Variants in CSMD3 observed in about 807,000 individuals in gnomAD.
CSMD3 encodes the protein CUB and Sushi multiple domains 3.
CSMD3 carries 177 observed loss-of-function variants against 435.2 expected under a neutral mutation model. That is an observed-to-expected ratio of 0.41 (90% CI 0.36 to 0.46). CSMD3 has a LOEUF of 0.46. Among genes scored for constraint, CSMD3 ranks in the 20% least tolerant of loss-of-function variants. CSMD3 has a pLI of 0.34. For synonymous variants in CSMD3, 1,656 were observed against 1,520.5 expected, an observed-to-expected ratio of 1.09 and a Z score of -2.07; for missense variants, 4,265 against 4,504.6, an observed-to-expected ratio of 0.95 and a Z score of 1.52.
In CSMD3 at chr8:113,068,093, A is replaced by G. The variant is rs536878063; in HGVS notation, c.917+30663T>C. 2.6e-5 allele frequency among the ~76,000 whole-genome samples: 4 copies of G among 152,266 alleles called. No individual in the cohort carries two copies. The East Asian group carries it at 7.7e-4, about 29-fold the overall frequency. ...TTCATGTGAAATTTTGTTTCTGTGGAAAAATGCTGTATAAAAAGAGTTCTG... is the reference window on the plus strand; with the variant it reads ...TTCATGTGAAATTTTGTTTCTGTGGGAAAATGCTGTATAAAAAGAGTTCTG... On this transcript the variant is annotated intron_variant, in intron 5 of 70. Coordinates refer to ENST00000297405, the MANE Select transcript of CSMD3 (RefSeq NM_198123.2).
chr8:112,434,528 T>C (rs1814095606), intron 32 of CSMD3, among the ~76,000 whole-genome samples: 1 of 152,236 alleles, frequency 6.6e-6, no homozygotes, highest in Middle Eastern at 3.4e-3. Context: ...CATAATACCA[T>C]CTAAAATGCT....
At chr8:112,273,901 A>G (rs1817766129) in intron 59 of CSMD3, among the ~76,000 whole-genome samples, 1 of 151,216 alleles carries the variant, frequency 6.6e-6, no homozygotes, top group South Asian at 2.1e-4. Flanking sequence ...TTACTGCTCT[A>G]TAAAGTTTAC....
chr8:113,404,601 C>T (rs1373738854), intron 1 of CSMD3, among the ~76,000 whole-genome samples: 1 of 151,316 alleles, frequency 6.6e-6, no homozygotes, highest in Non-Finnish European at 1.5e-5. Context: ...CTGATATTGT[C>T]TGAGCAGGAT....
intron 27 of CSMD3, among the ~76,000 whole-genome samples, chr8:112,526,252 T>A (rs1824948521): frequency 6.6e-6 from 1 of 152,020 alleles, no homozygotes; most frequent in African/African-American, 2.4e-5. Flanking sequence ...TTCAATATCA[T>A]AGTAGGGCAT....
At chr8:113,296,012 G>C (rs2199663) in intron 2 of CSMD3, among the ~76,000 whole-genome samples, 19,333 of 151,836 alleles carry the variant, frequency 0.13, 2,107 homozygotes, top group African/African-American at 0.3. Context: ...ATGGATGAAG[G>C]TGGAAACCAT....
intron 24 of CSMD3, among the ~76,000 whole-genome samples, chr8:112,561,064 C>T (rs1828577314): frequency 6.6e-6 from 1 of 151,520 alleles, no homozygotes; most frequent in Admixed American, 6.6e-5. Context: ...TGCATTGTAG[C>T]TGAAAATGCA....
intron 45 of CSMD3, among the ~76,000 whole-genome samples, chr8:112,320,510 T>C (rs1036841593): frequency 5.3e-5 from 8 of 151,654 alleles, no homozygotes; most frequent in African/African-American, 1.9e-4. Context: ...TTTTTTATAC[T>C]TTAAGTTACA....
intron 12 of CSMD3, among the ~76,000 whole-genome samples, chr8:112,809,553 TACTTTAA>T (rs2079170914): frequency 2.0e-5 from 3 of 152,212 alleles, no homozygotes; most frequent in Non-Finnish European, 4.4e-5. Context: ...TTATTTCAAT[TACTTTAA>T]GAACCACATT....
intron 10 of CSMD3, among the ~76,000 whole-genome samples, chr8:112,881,770 G>C (rs559963325): frequency 2.0e-5 from 3 of 151,824 alleles, no homozygotes; most frequent in Non-Finnish European, 4.4e-5. Context: ...CCTTTACAAA[G>C]GGAAATAAAG....
At chr8:113,195,441 G>A (rs962122943) in intron 3 of CSMD3, among the ~76,000 whole-genome samples, 1 of 150,542 alleles carries the variant, frequency 6.6e-6, no homozygotes, top group Non-Finnish European at 1.5e-5. Context: ...TGATGATTAT[G>A]ATTTTCTTTA....
At chr8:112,653,352 T>A (rs2075177471) in intron 18 of CSMD3, among the ~76,000 whole-genome samples, 1 of 152,186 alleles carries the variant, frequency 6.6e-6, no homozygotes, top group African/African-American at 2.4e-5. Context: ...TCATAAATTG[T>A]GCATTCTTTT....
chr8:113,434,410 C>A (rs1323370653), intron 1 of CSMD3, among the ~76,000 whole-genome samples: 3 of 152,202 alleles, frequency 2.0e-5, no homozygotes, highest in East Asian at 3.9e-4. Flanking sequence ...TTTAGGAAAG[C>A]CTTGAGACAG....
intron 22 of CSMD3, among the ~76,000 whole-genome samples, chr8:112,620,598 G>A (rs1833992416): frequency 1.3e-5 from 2 of 152,146 alleles, no homozygotes; most frequent in Middle Eastern, 6.8e-3. Context: ...CCTGTTTTCA[G>A]GGCCAAGATA....
intron 2 of CSMD3, among the ~76,000 whole-genome samples, chr8:113,280,966 G>A (rs185789702): frequency 3.2e-4 from 48 of 152,056 alleles, no homozygotes; most frequent in African/African-American, 1.0e-3. Flanking sequence ...GCATGGTATT[G>A]AGGGTTCCTT....
chr8:113,179,807 C>A (rs376465572), intron 3 of CSMD3, among the ~76,000 whole-genome samples: 3 of 151,236 alleles, frequency 2.0e-5, no homozygotes, highest in African/African-American at 7.3e-5. Flanking sequence ...TAAAACTCTA[C>A]CAAGAAATTT....
intron 38 of CSMD3, among the ~76,000 whole-genome samples, chr8:112,380,034 A>G (rs1829326437): frequency 6.6e-6 from 1 of 152,184 alleles, no homozygotes; most frequent in South Asian, 2.1e-4. Context: ...CAAAATGAGT[A>G]AGCTTTAGAG....
At chr8:112,681,039 C>CTT (rs397686222) in intron 16 of CSMD3, among the ~76,000 whole-genome samples, 9 of 139,502 alleles carry the variant, frequency 6.5e-5, no homozygotes, top group African/African-American at 1.8e-4. Flanking sequence ...TTTCCTTTTT[C>CTT]TTTTTTTTTT....
rs569938605 is a variant in CSMD3, at chr8:113,272,089, T to G, written c.514+6503A>C. ...ATTTTTTCAATACCTGTACCCCCAT[T>G]GTATCTAGGAAATAACTAGCTTGCT... On this transcript the variant is annotated intron_variant, in intron 3 of 70. Transcript: ENST00000297405. Among the ~76,000 whole-genome samples the G allele has an allele frequency of 3.3e-5, 5 of 152,306 alleles. No homozygotes were observed. The East Asian group carries it at 9.7e-4, about 29-fold the overall frequency.
At chr8:113,399,889 C>T (rs966831534) in intron 1 of CSMD3, among the ~76,000 whole-genome samples, 9 of 151,614 alleles carry the variant, frequency 5.9e-5, no homozygotes, top group African/African-American at 2.2e-4. Context: ...GATTTATACT[C>T]CTTTCCATAT....
Sources: allele counts gnomAD v4.1 joint callset (sites outside exome capture counted in the v4.1 genomes callset), GRCh38; gene constraint gnomAD v4.1.1; transcripts MANE v1.5; gene names NCBI Gene and HGNC (gene_info 2026-07-23, HGNC 2026-07-21).